The following LHFPL6 variants were observed in gnomAD, a reference collection of about 807,000 sequenced individuals.
LHFPL6 encodes the protein LHFPL tetraspan subfamily member 6 protein.
A neutral mutation model predicts 20.6 loss-of-function variants in LHFPL6; 9 were observed. The ratio of observed to expected loss-of-function variants is 0.44; its 90% confidence interval spans 0.26 to 0.76. The LOEUF is 0.76. Among genes scored for constraint, LHFPL6 ranks in the 30% least tolerant of loss-of-function variants. The pLI is 0.20. For missense variants in LHFPL6, 218 were observed against 253.5 expected (o/e 0.86, Z 0.95); for synonymous variants, 105 against 98.7 (o/e 1.06, Z -0.38).
intron 2 of LHFPL6, among the ~76,000 whole-genome samples, chr13:39,575,072 A>G (rs1872072222): frequency 6.9e-6 from 1 of 145,952 alleles, no homozygotes; most frequent in Non-Finnish European, 1.5e-5. Context: ...CCATCTCAAG[A>G]AAAAAAAAAA....
At chr13:39,345,319 C>T (rs1046208350) in intron 3 of LHFPL6, among the ~76,000 whole-genome samples, 9 of 151,794 alleles carry the variant, frequency 5.9e-5, no homozygotes, top group Non-Finnish European at 1.3e-4. Context: ...TTGAAACCAG[C>T]CTGACCAACA....
intron 2 of LHFPL6, among the ~76,000 whole-genome samples, chr13:39,561,860 T>G (rs961741517): frequency 1.3e-5 from 2 of 152,196 alleles, no homozygotes; most frequent in African/African-American, 4.8e-5. Flanking sequence ...GGCTTTCACT[T>G]GATTCTCACA....
chr13:39,524,062 G>T (rs907961886), intron 2 of LHFPL6, among the ~76,000 whole-genome samples: 1 of 152,108 alleles, frequency 6.6e-6, no homozygotes, highest in African/African-American at 2.4e-5. Context: ...ATACAAATAG[G>T]TCATACTTTA....
intron 2 of LHFPL6, among the ~76,000 whole-genome samples, chr13:39,543,906 C>A (rs182070808): frequency 6.6e-6 from 1 of 152,260 alleles, no homozygotes; most frequent in East Asian, 1.9e-4. Context: ...TGGAAAATGT[C>A]CAAAAAGATT....
chr13:39,593,730 A>G (rs1204286683), intron 2 of LHFPL6, among the ~76,000 whole-genome samples: 1 of 151,720 alleles, frequency 6.6e-6, no homozygotes, highest in African/African-American at 2.4e-5. Flanking sequence ...ACAAGGCTAC[A>G]GTAACCAAAA....
chr13:39,543,547 G>A (rs1362930965), intron 2 of LHFPL6, among the ~76,000 whole-genome samples: 11 of 152,058 alleles, frequency 7.2e-5, no homozygotes, highest in East Asian at 3.9e-4. Context: ...CTTTTACTTC[G>A]TCATAGTCCT....
intron 2 of LHFPL6, among the ~76,000 whole-genome samples, chr13:39,578,273 T>C (rs1872178948): frequency 1.3e-5 from 2 of 152,156 alleles, no homozygotes; most frequent in Non-Finnish European, 2.9e-5. Context: ...CTGACAGAAA[T>C]GATTAAATCA....
At chr13:39,585,774 C>T (rs1872430322) in intron 2 of LHFPL6, among the ~76,000 whole-genome samples, 1 of 152,140 alleles carries the variant, frequency 6.6e-6, no homozygotes, top group African/African-American at 2.4e-5. Context: ...TGAGGGCTGC[C>T]TGATTAGAGA....
intron 2 of LHFPL6, among the ~76,000 whole-genome samples, chr13:39,452,516 A>T (rs562500662): frequency 6.6e-6 from 1 of 152,334 alleles, no homozygotes; most frequent in East Asian, 1.9e-4. Context: ...TTAAAAATGT[A>T]AAGTGGAGCA....
chr13:39,445,394 C>T (rs1346738403), intron 2 of LHFPL6, among the ~76,000 whole-genome samples: 5 of 152,160 alleles, frequency 3.3e-5, no homozygotes, highest in Non-Finnish European at 7.3e-5. Context: ...CTGAAAATAA[C>T]TTTTCCAGTT....
intron 2 of LHFPL6, among the ~76,000 whole-genome samples, chr13:39,472,721 G>A (rs1872978156): frequency 6.6e-6 from 1 of 151,958 alleles, no homozygotes; most frequent in Non-Finnish European, 1.5e-5. Flanking sequence ...TGATTTTCCT[G>A]CCCCAGCCTC....
intron 2 of LHFPL6, among the ~76,000 whole-genome samples, chr13:39,441,511 TTTA>T (rs1011948568): frequency 2.0e-5 from 3 of 151,810 alleles, no homozygotes; most frequent in African/African-American, 7.2e-5. Flanking sequence ...AAAAAAATAC[TTTA>T]TTATTATTAT....
intron 2 of LHFPL6, among the ~76,000 whole-genome samples, chr13:39,427,094 G>C (rs927333816): frequency 1.3e-4 from 19 of 148,920 alleles, no homozygotes; most frequent in Admixed American, 1.2e-3. Context: ...TGTGCTTGTT[G>C]ATAATATATT....
intron 2 of LHFPL6, among the ~76,000 whole-genome samples, chr13:39,550,572 G>A (rs1358528078): frequency 6.6e-6 from 1 of 152,028 alleles, no homozygotes; most frequent in African/African-American, 2.4e-5. Context: ...TTGAATTCAT[G>A]ATGTCATTCC....
chr13:39,354,384 C>T lies in LHFPL6; in HGVS notation c.485-10330G>A, dbSNP rs996206670. Among the ~76,000 whole-genome samples, 2 of 152,154 alleles carry T rather than the reference C, an allele frequency of 1.3e-5. 1 individual carries two copies. The highest frequency in any genetic ancestry group is 1.3e-4 in the Admixed American group (2 of 15,268). On this transcript the variant is annotated intron_variant, in intron 3 of 3. Coordinates refer to ENST00000379589, the MANE Select transcript of LHFPL6 (RefSeq NM_005780.3). ...ATAAAGAATATAAAAAAATAAAAAG[C>T]CCCACCCAAGCAACAACAATTTCAA...
intron 2 of LHFPL6, among the ~76,000 whole-genome samples, chr13:39,563,595 C>T (rs992220780): frequency 7.2e-5 from 11 of 152,274 alleles, no homozygotes; most frequent in Non-Finnish European, 7.4e-5. Flanking sequence ...CATATTTTAA[C>T]GCCTTCTTGG....
intron 3 of LHFPL6, among the ~76,000 whole-genome samples, chr13:39,352,648 C>T (rs1352171106): frequency 6.6e-6 from 1 of 151,798 alleles, no homozygotes; most frequent in African/African-American, 2.4e-5. Context: ...AGCTGACTGA[C>T]TTCATTTATC....
At chr13:39,480,945 CA>C (rs1304150216) in intron 2 of LHFPL6, among the ~76,000 whole-genome samples, 5 of 152,074 alleles carry the variant, frequency 3.3e-5, no homozygotes, top group African/African-American at 1.2e-4. Flanking sequence ...TTCATAAGAA[CA>C]AAACACAAGT....
At chr13:39,465,687 G>T (rs1209472003) in intron 2 of LHFPL6, among the ~76,000 whole-genome samples, 1 of 152,050 alleles carries the variant, frequency 6.6e-6, no homozygotes, top group Admixed American at 6.5e-5. Flanking sequence ...TTCATCTGTA[G>T]GAAAAAGAAG....
Sources: gnomAD v4.1 joint callset for allele counts (sites outside exome capture counted in the v4.1 genomes callset) on GRCh38, gnomAD v4.1.1 for gene constraint, MANE v1.5 for transcripts, NCBI Gene and HGNC (gene_info 2026-07-23, HGNC 2026-07-21) for gene names.